AHNAK2: variants seen among roughly 807,000 people sequenced by gnomAD.
AHNAK2 encodes protein AHNAK2.
AHNAK2 carries 18 observed loss-of-function variants against 30.7 expected under a neutral mutation model. The ratio of observed to expected loss-of-function variants is 0.59; its 90% CI spans 0.41 to 0.87. The LOEUF (loss-of-function observed/expected upper bound fraction) is 0.87. Among genes scored for constraint, AHNAK2 ranks in the 40% least tolerant of loss-of-function variants. The probability of loss-of-function intolerance (pLI) is 0.00; values close to 1 mark genes in which losing one functional copy is unlikely to be tolerated. For synonymous variants in AHNAK2, 3,590 were observed against 3,073.8 expected (o/e 1.17, Z -5.56); for missense variants, 8,604 against 7,373.0 (o/e 1.17, Z -6.11).
chr14:104,949,980 T>A lies in AHNAK2; in HGVS notation c.5471A>T (p.Lys1824Ile). ...KDVTAKDSKF[K>I]MPKFKMPSFG... ...CGACGGCATCTTGAACTTGGGCATT[T>A]TGAACTTGCTGTCTTTGGCAGTCAC... Residue 1824 changes from lysine to isoleucine, a missense_variant, in exon 7 of 7, where the codon AAA becomes ATA. Transcript: ENST00000333244. 1 of 1,588,088 alleles carries A rather than the reference T, an allele frequency of 6.3e-7. No homozygotes were observed. The highest frequency in any genetic ancestry group is 8.6e-7 in the Non-Finnish European group (1 of 1,163,374).
At position 104,942,195 on chromosome 14, in the gene AHNAK2, G is replaced by A. The variant is rs776288397; in HGVS notation, c.13256C>T (p.Ser4419Phe). Reference sequence around the variant, plus strand: ...GGGCAGAGACACGTCCAGGTTGGGGGACGTCACCTCCACCTTGGGGCCTTT... The same window carrying A: ...GGGCAGAGACACGTCCAGGTTGGGGAACGTCACCTCCACCTTGGGGCCTTT... Reference protein sequence around the residue: ...DLKGPKVEVTSPNLDVSLPSM... With the variant: ...DLKGPKVEVTFPNLDVSLPSM... Residue 4419 changes from serine (S) to phenylalanine (F), a missense_variant, in exon 7 of 7, where the codon TCC (serine) becomes TTC (phenylalanine). Transcript: ENST00000333244. 6.2e-6 allele frequency: 10 copies of A among 1,612,792 alleles called. No homozygotes were observed. In the Admixed American group the frequency reaches 1.0e-4, roughly 16 times the overall value.
chr14:104,946,341 A>T lies in AHNAK2; in HGVS notation c.9110T>A (p.Val3037Asp), dbSNP rs1427263744. The T allele has an allele frequency of 1.2e-6, 2 of 1,611,132 alleles. No homozygotes were observed. The highest frequency in any genetic ancestry group is 2.2e-5 in the East Asian group (1 of 44,648). ...SIEPPSAQLE[V>D]QAGQVDLKLP... Reference sequence around the variant, plus strand: ...CTTCAGGTCCACCTGGCCAGCCTGGACCTCCAGTTGGGCAGAGGGGGGCTC... The same window carrying T: ...CTTCAGGTCCACCTGGCCAGCCTGGTCCTCCAGTTGGGCAGAGGGGGGCTC... Residue 3037 changes from valine (V) to aspartate (D), a missense_variant, in exon 7 of 7, where the codon GTC (valine) becomes GAC (aspartate). Transcript: ENST00000333244.
chr14:104,942,413 G>C lies in AHNAK2; in HGVS notation c.13038C>G (p.Leu4346=), dbSNP rs780521545. ...GATCAGCGGAAGGGGGCTGAATGCT[G>C]AGGTGAGTGGTCTTCAGGTCCCCCT... The part of the protein sequence containing the change: ...SMQGDLKTTH[L]SIQPPSADLE... Residue 4346 remains leucine, a synonymous_variant, in exon 7 of 7, where the codon CTC becomes CTG. Coordinates refer to ENST00000333244, the MANE Select transcript of AHNAK2 (RefSeq NM_138420.4). The C allele has an allele frequency of 8.1e-6, 13 of 1,613,152 alleles. No homozygotes were observed. Among genetic ancestry groups the C allele is most frequent in the South Asian group, 3.3e-5 (3 of 91,040 alleles).
chr14:104,944,789 C>T lies in AHNAK2; in HGVS notation c.10662G>A (p.Gly3554=). 1.9e-6 allele frequency: 3 copies of T among 1,612,792 alleles called. No homozygotes were observed. Among genetic ancestry groups the T allele is most frequent in the Middle Eastern group, 1.7e-4 (1 of 6,056 alleles). ...TGGGCATCTCCACTTTGGGCAGGTG[C>T]CCTTTGAGGCCGGCTCCCTCGGGCA... The part of the protein sequence containing the change: ...GPVPEGAGLK[G]HLPKVEMPSL... Residue 3554 remains glycine (G), a synonymous_variant, in exon 7 of 7, where the codon GGG becomes GGA. Coordinates refer to ENST00000333244, the MANE Select transcript of AHNAK2 (RefSeq NM_138420.4).
rs1243171766 is a variant in AHNAK2 at position 104,939,162 on chromosome 14, C to T, written c.16289G>A (p.Gly5430Glu). The T allele has an allele frequency of 1.2e-6, 2 of 1,612,708 alleles. No homozygotes were observed. The highest frequency in any genetic ancestry group is 1.7e-6 in the Non-Finnish European group (2 of 1,179,514). ...IDTALCKESP[G>E]LWGASILKAG... ...CTTCAGGATGCTGGCTCCCCAGAGC[C>T]CCGGACTTTCCTTACAAAGGGCTGT... Residue 5430 changes from glycine (G) to glutamate (E), a missense_variant, in exon 7 of 7, where the codon GGG becomes GAG. Coordinates refer to ENST00000333244, the MANE Select transcript of AHNAK2 (RefSeq NM_138420.4).
chr14:104,950,408 C>T lies in AHNAK2; in HGVS notation c.5043G>A (p.Val1681=), dbSNP rs763297818. 1.2e-5 allele frequency: 19 copies of T among 1,587,080 alleles called. 1 individual carries two copies. The East Asian group carries it at 2.9e-4, about 25-fold the overall frequency. ...CTTCCACCTTCGGCTCAGACACATCCACCGAGGCCTCGATGGACTTGCCTG... is the reference window on the plus strand; with the variant it reads ...CTTCCACCTTCGGCTCAGACACATCTACCGAGGCCTCGATGGACTTGCCTG... The part of the protein sequence containing the change: ...SAPGKSIEAS[V]DVSEPKVEAD... The change falls in exon 7 of 7, where the codon GTG becomes GTA. Residue 1681 remains valine, a synonymous_variant. Transcript: ENST00000333244.
intron 1 of AHNAK2, among the ~76,000 whole-genome samples, chr14:104,972,607 C>T (rs1899496372): frequency 6.6e-6 from 1 of 152,252 alleles, no homozygotes; most frequent in Non-Finnish European, 1.5e-5. Context: ...CAAGCCCTTC[C>T]CAGACCCTCG....
chr14:104,952,112 G>C lies in AHNAK2; in HGVS notation c.3339C>G (p.Pro1113=), dbSNP rs572698049. The C allele has an allele frequency of 6.2e-7, 1 of 1,612,210 alleles. No individual in the cohort carries two copies. The highest frequency in any genetic ancestry group is 8.5e-7 in the Non-Finnish European group (1 of 1,179,576). The change falls in exon 7 of 7, where the codon CCC becomes CCG. Residue 1113 remains proline, a synonymous_variant. Transcript: ENST00000333244. ...VKGPKLDLKS[P]KAEVTAPDVE... is the part of the protein sequence containing the mutation. ...CATCAGGGGCTGTGACTTCCGCCTT[G>C]GGGCTTTTCAGGTCCAGCTTGGGGC...
chr14:104,944,110 C>A lies in AHNAK2; in HGVS notation c.11341G>T (p.Asp3781Tyr). 6.2e-7 allele frequency: 1 copy of A among 1,613,362 alleles called. No homozygotes were observed. Among genetic ancestry groups the A allele is most frequent in the Non-Finnish European group, 8.5e-7 (1 of 1,179,680 alleles). ...AGGTCCCCCTCCAGCTGTGCACTAT[C>A]CAGTTTGGCTCTTGGGGCCTGGACG... Reference protein sequence around the residue: ...VDVQAPRAKLDSAQLEGDLSL... With the variant: ...VDVQAPRAKLYSAQLEGDLSL... Residue 3781 changes from aspartate to tyrosine, a missense_variant, in exon 7 of 7, where the codon GAT becomes TAT. Transcript: ENST00000333244.
rs143133046 is a variant in AHNAK2 at position 104,942,477 on chromosome 14, G to A, written c.12974C>T (p.Ala4325Val). The change falls in exon 7 of 7, where the codon GCG (alanine) becomes GTG (valine). Residue 4325 changes from alanine to valine, a missense_variant. Transcript: ENST00000333244. ...KSIEASLDVS[A>V]LKVEADVSLP... ...GCTCACGTCAGCCTCCACCTTCAGC[G>A]CAGACACATCCAACGAGGCCTCGAT... The A allele has an allele frequency of 4.3e-4, 694 of 1,612,262 alleles. 5 individuals are homozygous for A. In the African/African-American group the frequency reaches 7.4e-3, roughly 17 times the overall value.
chr14:104,961,504 C>T (rs1044673731), intron 1 of AHNAK2, among the ~76,000 whole-genome samples: 2 of 145,600 alleles, frequency 1.4e-5, no homozygotes, highest in African/African-American at 5.3e-5. Flanking sequence ...GACAGCGAGA[C>T]CCCATCTTAA....
At chr14:104,965,401 C>CA (rs397853385) in intron 1 of AHNAK2, among the ~76,000 whole-genome samples, 269 of 85,464 alleles carry the variant, frequency 3.1e-3, no homozygotes, top group Admixed American at 0.012. Context: ...AACTCTGTCT[C>CA]AAAAAAAAAA....
Position 104,949,899 on chromosome 14 carries a change from G to C in AHNAK2, c.5552C>G (p.Pro1851Arg). 1.3e-6 allele frequency: 2 copies of C among 1,588,202 alleles called. No homozygotes were observed. Among genetic ancestry groups the C allele is most frequent in the Non-Finnish European group, 8.6e-7 (1 of 1,163,312 alleles). The change falls in exon 7 of 7, where the codon CCG becomes CGG. Residue 1851 changes from proline (P) to arginine (R), a missense_variant. Transcript: ENST00000333244. ...SIEASVDVSA[P>R]KVEAEVSLPS... Reference sequence around the variant, plus strand: ...GAGGCTCACTTCGGCCTCCACCTTCGGCGCAGACACATCCACCGAGGCCTC... The same window carrying C: ...GAGGCTCACTTCGGCCTCCACCTTCCGCGCAGACACATCCACCGAGGCCTC...
In AHNAK2 at chr14:104,943,511, CACCCCGA is replaced by C; in HGVS notation, c.11933_11939del (p.Phe3978CysfsTer14). 1.2e-6 allele frequency: 2 copies of C among 1,613,298 alleles called. No individual in the cohort carries two copies. The highest frequency in any genetic ancestry group is 1.7e-6 in the Non-Finnish European group (2 of 1,179,618). On this transcript the variant is annotated frameshift_variant, in exon 7 of 7. Transcript: ENST00000333244. LOFTEE classifies it low-confidence loss of function (END_TRUNC). ...CCTCCATGGACTTGCCTGGGGCAGA[CACCCCGA>C]ACGACGGCATCTTGAACTTGGGCAT...
At chr14:104,972,528 C>A (rs1899494795) in intron 1 of AHNAK2, among the ~76,000 whole-genome samples, 1 of 152,194 alleles carries the variant, frequency 6.6e-6, no homozygotes, top group Non-Finnish European at 1.5e-5. Flanking sequence ...GGGCCCCCAC[C>A]CCAGCTACGC....
In AHNAK2 at chr14:104,940,505, C is replaced by T; in HGVS notation, c.14946G>A (p.Glu4982=). 3 of 1,613,816 alleles carry T rather than the reference C, an allele frequency of 1.9e-6. No homozygotes were observed. In the South Asian group the frequency reaches 3.3e-5, roughly 18 times the overall value. Residue 4982 remains glutamate, a synonymous_variant, in exon 7 of 7, where the codon GAG becomes GAA. Coordinates refer to ENST00000333244, the MANE Select transcript of AHNAK2 (RefSeq NM_138420.4). The surrounding 1 kb of genome is among the most constrained non-coding windows in gnomAD (Gnocchi z 4.4). ...GPKVDPECSV[E]DSKLSLVLDK... is the part of the protein sequence containing the mutation. ...CTAAAACCAGGCTGAGTTTTGAGTC[C>T]TCCACGCTGCATTCTGGGTCCACCT...
Position 104,940,796 on chromosome 14 carries a change from A to G in AHNAK2, c.14655T>C (p.His4885=). Reference sequence around the variant, plus strand: ...ACATGACTGGGGCACCCACTGCTGCATGTAGGTCTCCCTCAGGAACTGCCA... The same window carrying G: ...ACATGACTGGGGCACCCACTGCTGCGTGTAGGTCTCCCTCAGGAACTGCCA... ...PQMAVPEGDL[H]AAVGAPVMSP... Residue 4885 remains histidine (H), a synonymous_variant, in exon 7 of 7, where the codon CAT becomes CAC. Coordinates refer to ENST00000333244, the MANE Select transcript of AHNAK2 (RefSeq NM_138420.4). This position sits in a 1 kb window ranked among gnomAD's most constrained non-coding sequence, Gnocchi z 4.4. 1.2e-6 allele frequency: 2 copies of G among 1,613,054 alleles called. No individual in the cohort carries two copies. Among genetic ancestry groups the G allele is most frequent in the Non-Finnish European group, 1.7e-6 (2 of 1,179,892 alleles).
In AHNAK2 at chr14:104,946,931, C is replaced by T. The variant is rs780741801; in HGVS notation, c.8520G>A (p.Glu2840=). Residue 2840 remains glutamate (E), a synonymous_variant, in exon 7 of 7, where the codon GAG becomes GAA. Transcript: ENST00000333244. ...KSIEASVDVS[E]LKVEADGSFP... ...AGCTCCCGTCAGCTTCCACCTTCAGCTCAGACACATCCACCGAGGCCTCGA... is the reference window on the plus strand; with the variant it reads ...AGCTCCCGTCAGCTTCCACCTTCAGTTCAGACACATCCACCGAGGCCTCGA... 6.2e-7 allele frequency: 1 copy of T among 1,612,892 alleles called. No individual in the cohort carries two copies. Among genetic ancestry groups the T allele is most frequent in the South Asian group, 1.1e-5 (1 of 91,022 alleles).
rs12587015 is a variant in AHNAK2 at position 104,969,845 on chromosome 14, C to T, written c.55+8338G>A. Among the ~76,000 whole-genome samples the T allele has an allele frequency of 6.7e-4, 102 of 152,310 alleles. No homozygotes were observed. In the East Asian group the frequency reaches 0.014, roughly 21 times the overall value. ...AGCCAGTTTCCCTGGGCTGAAAGGC[C>T]GGCCCCACAGACGTCCAGGGCAGTG... is the stretch of plus-strand genomic sequence containing the variant. On this transcript the variant is annotated intron_variant, in intron 1 of 6. Transcript: ENST00000333244.
Sources: gnomAD v4.1 joint callset for allele counts (sites outside exome capture counted in the v4.1 genomes callset) on GRCh38, gnomAD v4.1.1 for gene constraint, Gnocchi (gnomAD v3.1) non-coding constraint, MANE v1.5 for transcripts, NCBI Gene and HGNC (gene_info 2026-07-23, HGNC 2026-07-21) for gene names.